LNX1: variants seen among roughly 807,000 people sequenced by gnomAD.
LNX1 encodes ligand of numb-protein X 1, also known as E3 ubiquitin-protein ligase LNX.
A neutral mutation model predicts 68.4 loss-of-function variants in LNX1; 54 were observed. The ratio of observed to expected loss-of-function variants is 0.79; its 90% CI spans 0.63 to 0.99. LNX1 has a LOEUF of 0.99. Ranked by LOEUF, LNX1 falls within the 50% of genes least tolerant of loss-of-function variation. The probability of loss-of-function intolerance (pLI) is 0.00; values close to 1 mark genes in which losing one functional copy is unlikely to be tolerated. For missense variants in LNX1, 906 were observed against 926.4 expected (o/e 0.98, Z 0.29); for synonymous variants, 336 against 350.0 (o/e 0.96, Z 0.45).
chr4:53,495,997 G>T (rs369040583), intron 6 of LNX1, 26 bp downstream of exon 6: 268 of 1,593,768 alleles, frequency 1.7e-4, no homozygotes, highest in Non-Finnish European at 2.0e-4. Flanking sequence ...TTTCTGACTG[G>T]GATCCTGGAA....
chr4:53,471,878 C>T (rs1397502309), intron 9 of LNX1, among the ~76,000 whole-genome samples: 1 of 152,174 alleles, frequency 6.6e-6, no homozygotes, highest in Non-Finnish European at 1.5e-5. Flanking sequence ...AACACTTTTA[C>T]ACTGTTGGTG....
chr4:53,613,672 CAT>C (rs1733579662), intron 2 of LNX1, among the ~76,000 whole-genome samples: 1 of 152,114 alleles, frequency 6.6e-6, no homozygotes, highest in Non-Finnish European at 1.5e-5. Flanking sequence ...TATTCCATGG[CAT>C]ATATATGCCA....
chr4:53,618,839 T>G (rs1175673570), upstream of LNX1, among the ~76,000 whole-genome samples: 1 of 151,178 alleles, frequency 6.6e-6, no homozygotes, highest in Non-Finnish European at 1.5e-5. Context: ...TATGTCCCTT[T>G]TAAAAAAAAT....
chr4:53,467,511 G>C (rs2150562882), intron 9 of LNX1, among the ~76,000 whole-genome samples: 2 of 152,298 alleles, frequency 1.3e-5, no homozygotes, highest in South Asian at 4.1e-4. Context: ...AACAAGTTGA[G>C]AGAGGAAGGC....
chr4:53,575,509 G>A (rs1007605874), intron 1 of LNX1: 7 of 985,276 alleles, frequency 7.1e-6, no homozygotes, highest in Non-Finnish European at 8.4e-6. Context: ...CCCTCAGGGA[G>A]TCCCCATTCC....
intron 2 of LNX1, among the ~76,000 whole-genome samples, chr4:53,569,930 C>G (rs1259900149): frequency 1.3e-5 from 2 of 151,582 alleles, no homozygotes; most frequent in Non-Finnish European, 2.9e-5. Context: ...CCATCACTGG[C>G]CATCAGAGAA....
intron 2 of LNX1, among the ~76,000 whole-genome samples, chr4:53,608,451 A>G (rs1440461448): frequency 3.9e-5 from 6 of 152,176 alleles, no homozygotes; most frequent in Non-Finnish European, 7.4e-5. Context: ...ATTAGTAAAA[A>G]GTCAAAAATA....
intron 4 of LNX1, among the ~76,000 whole-genome samples, chr4:53,503,888 C>T (rs147271049): frequency 3.9e-4 from 60 of 152,328 alleles, no homozygotes; most frequent in Middle Eastern, 6.8e-3. Flanking sequence ...AATCCTAGCA[C>T]TTTGGGAGGC....
chr4:53,650,470 TG>T (rs1161758923), intron 1 of LNX1, among the ~76,000 whole-genome samples: 1 of 152,142 alleles, frequency 6.6e-6, no homozygotes, highest in Admixed American at 6.5e-5. Context: ...AGCCGGCTTC[TG>T]ATGAATGTCA....
intron 2 of LNX1, among the ~76,000 whole-genome samples, chr4:53,615,924 C>A (rs1433213532): frequency 2.0e-5 from 3 of 152,142 alleles, no homozygotes; most frequent in Non-Finnish European, 4.4e-5. Flanking sequence ...TCATACTATT[C>A]TAGTTATTTT....
rs184975464 is a variant in LNX1 at position 53,507,987 on chromosome 4, C to A, written c.621G>T (p.Arg207Ser). 3.7e-6 allele frequency: 6 copies of A among 1,613,290 alleles called. No individual in the cohort carries two copies. The highest frequency in any genetic ancestry group is 1.1e-5 in the South Asian group (1 of 91,022). ...CGGACAACCACCCATTTGACTCACC[C>A]CTAGTTCGGTTGCTCCGGCCAGAGT... is the stretch of plus-strand genomic sequence containing the variant. Reference protein sequence around the residue: ...PVDSGRSNRTRARPFERSTIR... With the variant: ...PVDSGRSNRTSARPFERSTIR... Residue 207 changes from arginine (R) to serine (S), a missense_variant and splice_region_variant, in exon 3 of 11, where the codon AGG becomes AGT. Physicochemically the swap from Arg to Ser is moderately radical, Grantham distance 110 (BLOSUM62 -1). Transcript: ENST00000263925.
chr4:53,498,451 G>T (rs1457189443), intron 5 of LNX1, among the ~76,000 whole-genome samples, 190 bp downstream of exon 5: 3 of 152,210 alleles, frequency 2.0e-5, no homozygotes, highest in South Asian at 2.1e-4. Context: ...GAGAGTGAAA[G>T]AGCAAGACAG....
intron 2 of LNX1, among the ~76,000 whole-genome samples, chr4:53,597,202 T>C (rs1027705834): frequency 6.6e-6 from 1 of 152,200 alleles, no homozygotes; most frequent in African/African-American, 2.4e-5. Context: ...GTCACTCTCC[T>C]TGGCAAACTA....
intron 2 of LNX1, among the ~76,000 whole-genome samples, chr4:53,609,407 T>G (rs923900876): frequency 1.2e-4 from 18 of 151,594 alleles, no homozygotes; most frequent in Non-Finnish European, 2.4e-4. Flanking sequence ...CATAAACCAT[T>G]GCCAAAAACA....
chr4:53,466,009 G>T (rs9996049), intron 9 of LNX1, among the ~76,000 whole-genome samples: 7 of 151,916 alleles, frequency 4.6e-5, no homozygotes, highest in African/African-American at 1.2e-4. Flanking sequence ...AAATTATTTT[G>T]GCTTTTTGTT....
chr4:53,467,667 C>A (rs1323768095), intron 9 of LNX1, among the ~76,000 whole-genome samples: 3 of 152,172 alleles, frequency 2.0e-5, no homozygotes, highest in Admixed American at 6.5e-5. Flanking sequence ...GAGCTGAAAA[C>A]CACGGCACGA....
At chr4:53,530,829 TA>T (rs1436610531) in intron 2 of LNX1, among the ~76,000 whole-genome samples, 2 of 152,122 alleles carry the variant, frequency 1.3e-5, no homozygotes, top group African/African-American at 4.8e-5. Flanking sequence ...GAATTTGCTT[TA>T]AAATGCTCCA....
At chr4:53,516,056 G>A (rs71597846) in intron 2 of LNX1, among the ~76,000 whole-genome samples, 6,262 of 152,194 alleles carry the variant, frequency 0.041, 146 homozygotes, top group Middle Eastern at 0.099. Flanking sequence ...TTAGAGACCC[G>A]TAGCAGGACC....
chr4:53,527,793 C>G (rs1727730190), intron 2 of LNX1, among the ~76,000 whole-genome samples: 1 of 152,178 alleles, frequency 6.6e-6, no homozygotes, highest in Admixed American at 6.5e-5. Flanking sequence ...AGCTACTGGA[C>G]TTCGTGAGGA....
Sources: allele counts gnomAD v4.1 joint callset (sites outside exome capture counted in the v4.1 genomes callset), GRCh38; gene constraint gnomAD v4.1.1; transcripts MANE v1.5; gene names NCBI Gene and HGNC (gene_info 2026-07-23, HGNC 2026-07-21).